FAM13A: variants seen among roughly 807,000 people sequenced by gnomAD.
FAM13A encodes family with sequence similarity 13 member A.
Under a neutral mutation model 129.6 loss-of-function variants are expected in FAM13A, and 76 were observed. The ratio of observed to expected loss-of-function variants is 0.59; its 90% CI spans 0.49 to 0.71. FAM13A has a LOEUF of 0.71. Ranked by LOEUF, FAM13A falls within the 30% of genes least tolerant of loss-of-function variation. The pLI is 0.00. For synonymous variants in FAM13A, 443 were observed against 449.9 expected, an observed-to-expected ratio of 0.98 and a Z score of 0.20; for missense variants, 1,108 against 1,249.3, an observed-to-expected ratio of 0.89 and a Z score of 1.70.
chr4:88,750,390 T>C (rs200834935), intron 15 of FAM13A, 34 bp downstream of exon 15: 2 of 1,513,242 alleles, frequency 1.3e-6, no homozygotes, highest in Admixed American at 1.7e-5. Flanking sequence ...GTGGGGATGA[T>C]GCATTTGTCT....
chr4:88,894,670 C>A (rs1220724170), intron 6 of FAM13A, among the ~76,000 whole-genome samples: 1 of 152,056 alleles, frequency 6.6e-6, no homozygotes, highest in Non-Finnish European at 1.5e-5. Flanking sequence ...TACAGGCATG[C>A]GCCACCATGG....
At chr4:88,808,622 T>C (rs1448493359) in intron 7 of FAM13A, among the ~76,000 whole-genome samples, 2 of 152,118 alleles carry the variant, frequency 1.3e-5, no homozygotes, top group African/African-American at 4.8e-5. Context: ...AAGAAGGAAG[T>C]GTGTGTCATG....
At chr4:88,844,975 G>A (rs920040311) in intron 7 of FAM13A, among the ~76,000 whole-genome samples, 8 of 152,124 alleles carry the variant, frequency 5.3e-5, no homozygotes, top group Non-Finnish European at 8.8e-5. Context: ...AGAAAATTCT[G>A]AATGGGAAAC....
rs139055334 is a variant in FAM13A, at chr4:88,731,269, G to A, written c.2945+58C>T. 5.1e-3 allele frequency: 4,697 copies of A among 922,196 alleles called. 19 individuals are homozygous for A. Among genetic ancestry groups the A allele is most frequent in the Non-Finnish European group, 6.7e-3 (3,946 of 589,052 alleles). 57.1% of individuals were successfully genotyped at this position (922,196 alleles called of 1,614,324 possible). A position where few individuals can be genotyped will look rare whatever the true frequency, so the allele number is the denominator to read the frequency against. ...CACAGATCTGACAGAAAAACAAGAG[G>A]GATGGGTGTGTGTGGTGCGGCGGGG... is the stretch of plus-strand genomic sequence containing the variant. On this transcript the variant is annotated intron_variant, in intron 23 of 23. Transcript: ENST00000264344.
intron 3 of FAM13A, among the ~76,000 whole-genome samples, chr4:88,998,043 T>G (rs142751466): frequency 6.6e-6 from 1 of 152,142 alleles, no homozygotes; most frequent in Admixed American, 6.6e-5. Flanking sequence ...TACAACTGCA[T>G]GGAAGTGAAT....
At chr4:88,912,603 AC>A (rs977091555) in intron 5 of FAM13A, among the ~76,000 whole-genome samples, 1 of 135,148 alleles carries the variant, frequency 7.4e-6, no homozygotes, top group Admixed American at 7.4e-5. Flanking sequence ...ACACACACAC[AC>A]CTCCTATTGG....
intron 7 of FAM13A, among the ~76,000 whole-genome samples, chr4:88,831,952 G>C (rs535045545): frequency 3.9e-5 from 6 of 152,120 alleles, no homozygotes; most frequent in Non-Finnish European, 7.4e-5. Context: ...CAAGCAAAAA[G>C]AACAAAGCTG....
intron 4 of FAM13A, among the ~76,000 whole-genome samples, chr4:88,945,920 A>G (rs1755665966): frequency 7.3e-6 from 1 of 136,882 alleles, no homozygotes; most frequent in African/African-American, 2.8e-5. Flanking sequence ...CTATATATAT[A>G]TAGTATATAT....
At chr4:88,808,578 T>C (rs145564099) in intron 7 of FAM13A, among the ~76,000 whole-genome samples, 105 of 152,298 alleles carry the variant, frequency 6.9e-4, no homozygotes, top group Non-Finnish European at 1.4e-3. Flanking sequence ...GATTCACTTT[T>C]AATTTTTAAA....
chr4:88,919,299 T>G (rs955100208), intron 5 of FAM13A, among the ~76,000 whole-genome samples: 1 of 152,230 alleles, frequency 6.6e-6, no homozygotes, highest in Non-Finnish European at 1.5e-5. Flanking sequence ...TAAAAAGGAA[T>G]GCACAGAATT....
intron 2 of FAM13A, among the ~76,000 whole-genome samples, chr4:89,028,212 A>G (rs1228606855): frequency 6.6e-6 from 1 of 151,636 alleles, no homozygotes; most frequent in Non-Finnish European, 1.5e-5. Context: ...GTCTCAAAAA[A>G]AAAAAAAAAA....
At chr4:88,823,194 C>G in intron 7 of FAM13A, 1 of 1,449,798 alleles carries the variant, frequency 6.9e-7, no homozygotes, top group Non-Finnish European at 9.1e-7. Flanking sequence ...CAAACTTCTT[C>G]AGGCAATGCT....
chr4:89,003,743 A>G (rs979617828), intron 3 of FAM13A, among the ~76,000 whole-genome samples: 1 of 152,220 alleles, frequency 6.6e-6, no homozygotes, highest in African/African-American at 2.4e-5. Context: ...TTAATTATAA[A>G]TTTAACTAAA....
chr4:89,016,614 C>G (rs898901872), intron 3 of FAM13A, among the ~76,000 whole-genome samples: 6 of 151,990 alleles, frequency 3.9e-5, no homozygotes, highest in Non-Finnish European at 7.4e-5. Context: ...TATATTTTTA[C>G]GTACCTTTTC....
At chr4:88,867,019 T>TGTG (rs1740581990) in intron 6 of FAM13A, among the ~76,000 whole-genome samples, 2 of 152,308 alleles carry the variant, frequency 1.3e-5, no homozygotes, top group East Asian at 3.9e-4. Context: ...TCTCATTATG[T>TGTG]GTGGTAGTTA....
intron 4 of FAM13A, among the ~76,000 whole-genome samples, chr4:88,979,658 C>T (rs556071756): frequency 1.3e-5 from 2 of 152,202 alleles, no homozygotes; most frequent in Non-Finnish European, 2.9e-5. Context: ...TAAATATTGC[C>T]TATTATTATT....
chr4:88,748,036 C>T (rs1319063574), intron 17 of FAM13A, among the ~76,000 whole-genome samples, 185 bp from the exon 18 acceptor site: 5 of 152,108 alleles, frequency 3.3e-5, no homozygotes, highest in Admixed American at 2.6e-4. Flanking sequence ...ACTACAGGTG[C>T]CCGCCACCAC....
chr4:88,769,013 T>C (rs1269991373), intron 11 of FAM13A, among the ~76,000 whole-genome samples: 1 of 152,230 alleles, frequency 6.6e-6, no homozygotes, highest in Non-Finnish European at 1.5e-5. Context: ...CTGAATTTTG[T>C]TGAACTCAGA....
intron 2 of FAM13A, among the ~76,000 whole-genome samples, chr4:89,027,684 T>C (rs1165935358): frequency 6.6e-6 from 1 of 152,122 alleles, no homozygotes; most frequent in Non-Finnish European, 1.5e-5. Flanking sequence ...TTGCCAGCAT[T>C]ATTATTCTTG....
Sources: gnomAD v4.1 joint callset for allele counts (sites outside exome capture counted in the v4.1 genomes callset) on GRCh38, gnomAD v4.1.1 for gene constraint, MANE v1.5 for transcripts, NCBI Gene and HGNC (gene_info 2026-07-23, HGNC 2026-07-21) for gene names.